SLC44A5: variants seen among roughly 807,000 people sequenced by gnomAD.
The protein encoded by SLC44A5 is solute carrier family 44 member 5.
SLC44A5 carries 57 observed loss-of-function variants against 101.8 expected under a neutral mutation model. The ratio of observed to expected loss-of-function variants is 0.56; its 90% CI spans 0.45 to 0.70. SLC44A5 has a LOEUF of 0.70. SLC44A5 is among the 30% of genes least tolerant of loss of function. SLC44A5 has a pLI of 0.00. For synonymous variants in SLC44A5, 281 were observed against 290.9 expected (o/e 0.97, Z 0.35); for missense variants, 737 against 853.1 (o/e 0.86, Z 1.70).
chr1:75,676,589 T>C, the SLC44A5 span, among the ~76,000 whole-genome samples: 1 of 152,182 alleles, frequency 6.6e-6, no homozygotes, highest in Non-Finnish European at 1.5e-5. Flanking sequence ...AGCTAATGCA[T>C]ACTGGGCTTT....
chr1:75,635,072 T>C, the SLC44A5 span, among the ~76,000 whole-genome samples: 1 of 150,908 alleles, frequency 6.6e-6, no homozygotes, highest in Non-Finnish European at 1.5e-5. Flanking sequence ...TCACCATCAC[T>C]GGCCATCAGA....
the SLC44A5 span, among the ~76,000 whole-genome samples, chr1:75,633,527 T>C: frequency 3.3e-5 from 5 of 152,152 alleles, no homozygotes; most frequent in Non-Finnish European, 7.3e-5. Flanking sequence ...TGTATGTCTG[T>C]TATTGGTGTA....
At chr1:75,552,023 G>A (rs564397427) in intron 1 of SLC44A5, among the ~76,000 whole-genome samples, 1 of 152,100 alleles carries the variant, frequency 6.6e-6, no homozygotes, top group South Asian at 2.1e-4. Context: ...GCTGCCTTTT[G>A]CAATTGGCTG....
intron 3 of SLC44A5, among the ~76,000 whole-genome samples, chr1:75,391,211 A>T (rs1180417486): frequency 6.6e-6 from 1 of 152,128 alleles, no homozygotes; most frequent in Non-Finnish European, 1.5e-5. Context: ...CAATCAAATG[A>T]AAAAATGAAA....
intron 1 of SLC44A5, among the ~76,000 whole-genome samples, chr1:75,589,507 A>T (rs989180515): frequency 6.6e-6 from 1 of 152,232 alleles, no homozygotes; most frequent in African/African-American, 2.4e-5. Flanking sequence ...GCAAGATGGT[A>T]TAATGGAAAG....
intron 1 of SLC44A5, among the ~76,000 whole-genome samples, chr1:75,598,087 T>C (rs6694601): frequency 0.1 from 15,353 of 150,992 alleles, 1,322 homozygotes; most frequent in African/African-American, 0.24. Context: ...CTTAAACAAA[T>C]GTACAAGAAA....
At chr1:75,486,684 A>G (rs1668169361) in intron 2 of SLC44A5, among the ~76,000 whole-genome samples, 1 of 152,242 alleles carries the variant, frequency 6.6e-6, no homozygotes, top group Non-Finnish European at 1.5e-5. Context: ...GCCCCATGCC[A>G]GTCTGAAACC....
intron 13 of SLC44A5, among the ~76,000 whole-genome samples, chr1:75,223,117 A>C (rs1474129501): frequency 6.6e-6 from 1 of 152,206 alleles, no homozygotes; most frequent in Admixed American, 6.5e-5. Flanking sequence ...TATGTGAAAT[A>C]AGTGAATCTG....
chr1:75,534,380 G>A (rs1442771851), intron 2 of SLC44A5, among the ~76,000 whole-genome samples: 1 of 152,120 alleles, frequency 6.6e-6, no homozygotes, highest in Non-Finnish European at 1.5e-5. Flanking sequence ...TTCTGTCCAG[G>A]GCTCTCTGCC....
intron 6 of SLC44A5, among the ~76,000 whole-genome samples, chr1:75,266,130 A>G (rs1650966866): frequency 6.6e-6 from 1 of 152,158 alleles, no homozygotes; most frequent in Non-Finnish European, 1.5e-5. Context: ...CATCTCAAAT[A>G]TCACACCACC....
At chr1:75,718,174 T>C in the SLC44A5 span, among the ~76,000 whole-genome samples, 1 of 152,242 alleles carries the variant, frequency 6.6e-6, no homozygotes, top group Non-Finnish European at 1.5e-5. Context: ...AGAGCATGTT[T>C]CTCCTACTTA....
At chr1:75,683,355 C>T in the SLC44A5 span, among the ~76,000 whole-genome samples, 6 of 151,988 alleles carry the variant, frequency 3.9e-5, no homozygotes, top group Admixed American at 6.6e-5. Flanking sequence ...TGGAACTAAC[C>T]CAAATGTCCA....
At chr1:75,514,016 AT>A (rs939205965) in intron 2 of SLC44A5, among the ~76,000 whole-genome samples, 5 of 151,508 alleles carry the variant, frequency 3.3e-5, no homozygotes, top group African/African-American at 1.2e-4. Context: ...TTTAAAAAAA[AT>A]TTTTTTTTGT....
At chr1:75,538,436 G>A (rs1346938107) in intron 2 of SLC44A5, among the ~76,000 whole-genome samples, 1 of 152,106 alleles carries the variant, frequency 6.6e-6, no homozygotes, top group Non-Finnish European at 1.5e-5. Context: ...CTTGTCTCTG[G>A]AAATACTACT....
chr1:75,230,283 T>G (rs1317172735), intron 12 of SLC44A5, among the ~76,000 whole-genome samples: 2 of 151,882 alleles, frequency 1.3e-5, no homozygotes, highest in East Asian at 3.9e-4. Flanking sequence ...AGTCTCGCTC[T>G]GTCACCCAGG....
rs184614223 is a variant in SLC44A5 at position 75,452,275 on chromosome 1, C to G, written c.14-55654G>C. Among the ~76,000 whole-genome samples, 664 of 152,140 alleles carry G rather than the reference C, an allele frequency of 4.4e-3. 6 individuals are homozygous for G. The highest frequency in any genetic ancestry group is 0.015 in the African/African-American group (640 of 41,506). ...GTTCTTAAAGATGAGAAATTCTGACCAAGAATTTCATATCCTGCCAAACTA... is the reference window on the plus strand; with the variant it reads ...GTTCTTAAAGATGAGAAATTCTGACGAAGAATTTCATATCCTGCCAAACTA... On this transcript the variant is annotated intron_variant, in intron 2 of 23. Transcript: ENST00000370859.
chr1:75,648,522 C>A, the SLC44A5 span, among the ~76,000 whole-genome samples: 1 of 152,046 alleles, frequency 6.6e-6, no homozygotes, highest in African/African-American at 2.4e-5. Flanking sequence ...AGGTATAGGG[C>A]AGGACACTTG....
At chr1:75,498,883 A>C (rs1668804078) in intron 2 of SLC44A5, among the ~76,000 whole-genome samples, 1 of 152,230 alleles carries the variant, frequency 6.6e-6, no homozygotes, top group Non-Finnish European at 1.5e-5. Flanking sequence ...TACTCAAAAC[A>C]GGTTTACCTA....
At chr1:75,472,214 C>T (rs1667151211) in intron 2 of SLC44A5, among the ~76,000 whole-genome samples, 1 of 151,802 alleles carries the variant, frequency 6.6e-6, no homozygotes, top group Non-Finnish European at 1.5e-5. Context: ...AATAAGGTAT[C>T]TTTAGGGTGA....
Sources: gnomAD v4.1 joint callset for allele counts (sites outside exome capture counted in the v4.1 genomes callset) on GRCh38, gnomAD v4.1.1 for gene constraint, MANE v1.5 for transcripts, NCBI Gene and HGNC (gene_info 2026-07-23, HGNC 2026-07-21) for gene names.